SORL1: variants seen among roughly 807,000 people sequenced by gnomAD.
The protein encoded by SORL1 is sortilin related receptor 1.
SORL1 carries 127 observed loss-of-function variants against 273.7 expected under a neutral mutation model. The ratio of observed to expected loss-of-function variants is 0.46; its 90% CI spans 0.40 to 0.54. SORL1 has a LOEUF of 0.54. Ranked by LOEUF, SORL1 falls within the 20% of genes least tolerant of loss-of-function variation. The probability of loss-of-function intolerance (pLI) is 0.00; values close to 1 mark genes in which losing one functional copy is unlikely to be tolerated. For missense variants in SORL1, 2,494 were observed against 2,846.1 expected (o/e 0.88, Z 2.81); for synonymous variants, 1,031 against 1,067.4 (o/e 0.97, Z 0.66).
chr11:121,546,817 C>T (rs1329903571), intron 14 of SORL1: 1 of 152,224 alleles, frequency 6.6e-6, no homozygotes, highest in African/African-American at 2.4e-5. Flanking sequence ...CTTCTGTTCT[C>T]AACCAGTGCT....
chr11:121,464,070 C>T (rs955302105), intron 1 of SORL1, among the ~76,000 whole-genome samples: 5 of 152,186 alleles, frequency 3.3e-5, no homozygotes, highest in East Asian at 1.9e-4. Flanking sequence ...ATTTTAAAAA[C>T]GCTTCTTTGT....
intron 35 of SORL1, among the ~76,000 whole-genome samples, chr11:121,606,579 A>G (rs559989476): frequency 6.6e-6 from 1 of 152,312 alleles, no homozygotes; most frequent in South Asian, 2.1e-4. Context: ...AGCCTGCCCA[A>G]GTGATTCTAT....
At chr11:121,516,488 A>T (rs940610476) in intron 8 of SORL1, among the ~76,000 whole-genome samples, 4 of 151,998 alleles carry the variant, frequency 2.6e-5, no homozygotes, top group African/African-American at 4.8e-5. Flanking sequence ...TTGGTTTGGG[A>T]CTTACCTGGT....
Position 121,542,382 on chromosome 11 carries a change from C to CT in SORL1, c.1686-1162dup, listed in dbSNP as rs1248405296. On this transcript the variant is annotated intron_variant, in intron 12 of 47. Transcript: ENST00000260197. ...AAATTTGTTTAGTCATTGCATTTGG[C>CT]TTTTATACTCCTTTAGTCTTTTAAA... 2.0e-5 allele frequency among the ~76,000 whole-genome samples: 3 copies of CT among 152,286 alleles called. No homozygotes were observed. In the East Asian group the frequency reaches 5.8e-4, roughly 29 times the overall value.
Position 121,607,818 on chromosome 11 carries a change from AC to A in SORL1, c.5167-279del, listed in dbSNP as rs957792983. ...TGTATATGTGTGTATTTATGAACAC[AC>A]CCCCCCATACACCTGCCCTTTAGAA... On this transcript the variant is annotated intron_variant, in intron 37 of 47. Transcript: ENST00000260197. Among the ~76,000 whole-genome samples the A allele has an allele frequency of 6.6e-5, 10 of 152,022 alleles. No individual in the cohort carries two copies. In the South Asian group the frequency reaches 1.9e-3, roughly 28 times the overall value.
chr11:121,509,993 C>G (rs1861851909), intron 6 of SORL1, among the ~76,000 whole-genome samples: 2 of 152,120 alleles, frequency 1.3e-5, no homozygotes, highest in African/African-American at 2.4e-5. Flanking sequence ...AATAATTCTT[C>G]TAAGACTGCA....
chr11:121,470,628 G>A (rs955229299), intron 2 of SORL1, among the ~76,000 whole-genome samples: 3 of 152,152 alleles, frequency 2.0e-5, no homozygotes, highest in East Asian at 1.9e-4. Flanking sequence ...GTGGGAGGCC[G>A]GGCAGGTAAA....
intron 37 of SORL1, 21 bp from the exon 38 acceptor site, chr11:121,608,083 T>C: frequency 6.2e-7 from 1 of 1,605,540 alleles, no homozygotes; most frequent in Non-Finnish European, 8.5e-7. Flanking sequence ...TTCATATTAA[T>C]TCACCCTCTG....
At chr11:121,612,000 G>C (rs1281391121) in intron 39 of SORL1, 1 of 152,348 alleles carries the variant, frequency 6.6e-6, no homozygotes, top group Non-Finnish European at 1.5e-5. Flanking sequence ...AATTAGCCAG[G>C]TGTGGTGGTG....
rs560299380 is a variant in SORL1, at chr11:121,595,702, G to T, written c.4449G>T (p.Thr1483=). ...AGTTCGAATGCCACCAACCGAAGAC[G>T]TGTATTCCCAACTGGAAGCGCTGTG... ...RFEFECHQPK[T]CIPNWKRCDG... The change falls in exon 32 of 48, where the codon ACG becomes ACT. Residue 1483 remains threonine (T), a synonymous_variant. Coordinates refer to ENST00000260197, the MANE Select transcript of SORL1 (RefSeq NM_003105.6). The surrounding 1 kb of genome is among the most constrained non-coding windows in gnomAD (Gnocchi z 5.1). 5.6e-6 allele frequency: 9 copies of T among 1,614,052 alleles called. No homozygotes were observed. Among genetic ancestry groups the T allele is most frequent in the African/African-American group, 2.7e-5 (2 of 75,066 alleles).
chr11:121,503,745 A>T (rs528343935), intron 6 of SORL1, among the ~76,000 whole-genome samples: 1 of 152,266 alleles, frequency 6.6e-6, no homozygotes, highest in East Asian at 1.9e-4. Context: ...TAATCTGTAT[A>T]TCTACCCCTA....
chr11:121,580,260 T>C (rs1862993933), intron 25 of SORL1, among the ~76,000 whole-genome samples: 3 of 152,338 alleles, frequency 2.0e-5, no homozygotes, highest in South Asian at 4.1e-4. Context: ...GCAGTTACTC[T>C]AAGCCATTCG....
chr11:121,481,932 G>A (rs868726682), intron 3 of SORL1, among the ~76,000 whole-genome samples: 11 of 148,826 alleles, frequency 7.4e-5, no homozygotes, highest in Admixed American at 5.4e-4. Context: ...CCTATAGGCA[G>A]GCTTCATCTC....
chr11:121,514,858 C>T (rs1257818966), intron 8 of SORL1, among the ~76,000 whole-genome samples: 3 of 152,132 alleles, frequency 2.0e-5, no homozygotes, highest in Admixed American at 6.5e-5. Context: ...TCTCGGAGCA[C>T]CACACCCATC....
At position 121,484,415 on chromosome 11, in the gene SORL1, A is replaced by G. The variant is rs1366060390; in HGVS notation, c.529-3617A>G. Among the ~76,000 whole-genome samples the G allele has an allele frequency of 2.0e-5, 3 of 152,310 alleles. No individual in the cohort carries two copies. In the South Asian group the frequency reaches 6.2e-4, roughly 32 times the overall value. On this transcript the variant is annotated intron_variant, in intron 3 of 47. Coordinates refer to ENST00000260197, the MANE Select transcript of SORL1 (RefSeq NM_003105.6). ...TAGTGAAGACGTGGGCCATGCCAAT[A>G]GCACTGAGAGGAAAAAGGAAGGCAC...
rs933233831 is a variant in SORL1 at position 121,627,972 on chromosome 11, C to T, written c.6577+205C>T. 4.6e-5 allele frequency among the ~76,000 whole-genome samples: 7 copies of T among 152,218 alleles called. No homozygotes were observed. The highest frequency in any genetic ancestry group is 7.3e-5 in the Non-Finnish European group (5 of 68,038). On this transcript the variant is annotated intron_variant, in intron 47 of 47. Transcript: ENST00000260197. This position sits in a 1 kb window ranked among gnomAD's most constrained non-coding sequence, Gnocchi z 4.9. ...TTAAGTTAAATTAAAATGTTGTATTCTCTTTGATTGTGTAGTTCTGGCCTG... is the reference window on the plus strand; with the variant it reads ...TTAAGTTAAATTAAAATGTTGTATTTTCTTTGATTGTGTAGTTCTGGCCTG...
At chr11:121,590,455 T>C in intron 30 of SORL1, 1 of 498,038 alleles carries the variant, frequency 2.0e-6, no homozygotes, top group Non-Finnish European at 3.6e-6. Flanking sequence ...CTGCATCTCC[T>C]TGGAACTTGT....
chr11:121,466,829 G>T (rs568312168), intron 1 of SORL1, among the ~76,000 whole-genome samples: 11 of 152,124 alleles, frequency 7.2e-5, no homozygotes, highest in African/African-American at 2.7e-4. Context: ...CTGTTCCTGC[G>T]AGTGCCTGGT....
rs375706541 is a variant in SORL1, at chr11:121,589,056, G to A, written c.3947-203G>A. Among the ~76,000 whole-genome samples the A allele has an allele frequency of 1.5e-3, 228 of 152,268 alleles. 3 individuals carry two copies. The highest frequency in any genetic ancestry group is 5.2e-3 in the African/African-American group (218 of 41,556). ...ATAAACTCAGCTCATAACACGACTC[G>A]GTAAAGATTCATGGAATGGATTAAT... On this transcript the variant is annotated intron_variant, in intron 28 of 47. Transcript: ENST00000260197.
Sources: gnomAD v4.1 joint callset for allele counts (sites outside exome capture counted in the v4.1 genomes callset) on GRCh38, gnomAD v4.1.1 for gene constraint, Gnocchi (gnomAD v3.1) non-coding constraint, MANE v1.5 for transcripts, NCBI Gene and HGNC (gene_info 2026-07-23, HGNC 2026-07-21) for gene names.